Variants in FAT4 observed in about 807,000 individuals in gnomAD.
FAT4 encodes FAT atypical cadherin 4, also known as protocadherin Fat 4.
Under a neutral mutation model 303.9 loss-of-function variants are expected in FAT4, and 84 were observed. The ratio of observed to expected loss-of-function variants is 0.28; its 90% CI spans 0.23 to 0.33. The LOEUF (loss-of-function observed/expected upper bound fraction) is 0.33. Among genes scored for constraint, FAT4 ranks in the 10% least tolerant of loss-of-function variants. The pLI is 1.00. For synonymous variants in FAT4, 2,307 were observed against 2,298.8 expected (o/e 1.00, Z -0.10); for missense variants, 6,005 against 6,146.8 (o/e 0.98, Z 0.77).
Position 125,490,599 on chromosome 4 carries a change from T to C in FAT4, c.13783T>C (p.Tyr4595His). 6.2e-7 allele frequency: 1 copy of C among 1,614,130 alleles called. No individual in the cohort carries two copies. Among genetic ancestry groups the C allele is most frequent in the Middle Eastern group, 1.6e-4 (1 of 6,062 alleles). Reference sequence around the variant, plus strand: ...TGAAAGGGAAAACCCCTACCTTATCTATGATGAAACTGATATTCCTCACAA... The same window carrying C: ...TGAAAGGGAAAACCCCTACCTTATCCATGATGAAACTGATATTCCTCACAA... Reference protein sequence around the residue: ...IIERENPYLIYDETDIPHNSE... With the variant: ...IIERENPYLIHDETDIPHNSE... Residue 4595 changes from tyrosine (Y) to histidine (H), a missense_variant, in exon 18 of 18, where the codon TAT becomes CAT. Coordinates refer to ENST00000394329, the MANE Select transcript of FAT4 (RefSeq NM_001291303.3).
intron 2 of FAT4, among the ~76,000 whole-genome samples, chr4:125,373,230 T>G (rs780955623): frequency 6.6e-6 from 1 of 152,132 alleles, no homozygotes; most frequent in Non-Finnish European, 1.5e-5. Context: ...TTTAGTCAAG[T>G]AATAATAATT....
At chr4:125,395,419 C>T (rs1304889120) in intron 2 of FAT4, among the ~76,000 whole-genome samples, 1 of 152,152 alleles carries the variant, frequency 6.6e-6, no homozygotes, top group African/African-American at 2.4e-5. Flanking sequence ...AAGCGATTCT[C>T]CTGTCTCAGC....
chr4:125,319,192 G>A lies in FAT4; in HGVS notation c.2781G>A (p.Met927Ile). The change falls in exon 2 of 18, where the codon ATG (methionine) becomes ATA (isoleucine). Residue 927 changes from methionine (M) to isoleucine (I), a missense_variant. Physicochemically the swap from Met to Ile is conservative, Grantham distance 10. Coordinates refer to ENST00000394329, the MANE Select transcript of FAT4 (RefSeq NM_001291303.3). ...ACCCTGATGAAGGTGTCAATGGCAT[G>A]GTACTCTATAGTCTGAAGCAAAACC... is the stretch of plus-strand genomic sequence containing the variant. The part of the protein sequence containing the change: ...AVDPDEGVNG[M>I]VLYSLKQNPK... 1 of 1,614,110 alleles carries A rather than the reference G, an allele frequency of 6.2e-7. No homozygotes were observed. Among genetic ancestry groups the A allele is most frequent in the Non-Finnish European group, 8.5e-7 (1 of 1,180,022 alleles).
intron 7 of FAT4, among the ~76,000 whole-genome samples, chr4:125,425,458 T>G (rs563138310): frequency 6.6e-6 from 1 of 152,240 alleles, no homozygotes; most frequent in African/African-American, 2.4e-5. Context: ...TATTTTTATA[T>G]TAAAGAGAAC....
intron 2 of FAT4, among the ~76,000 whole-genome samples, chr4:125,368,964 AG>A (rs1281632170): frequency 5.3e-5 from 8 of 152,204 alleles, no homozygotes; most frequent in Non-Finnish European, 1.5e-5. Flanking sequence ...AACTGACAAA[AG>A]AAAAATATTG....
intron 2 of FAT4, among the ~76,000 whole-genome samples, chr4:125,340,821 T>TG (rs988373115): frequency 2.0e-5 from 3 of 152,256 alleles, no homozygotes; most frequent in African/African-American, 7.2e-5. Context: ...AATCAACACA[T>TG]GGAACACTAA....
intron 17 of FAT4, among the ~76,000 whole-genome samples, chr4:125,488,669 A>G: frequency 6.6e-6 from 1 of 152,210 alleles, no homozygotes; most frequent in East Asian, 1.9e-4. Context: ...ATGTCTGAGA[A>G]ATATTAGATT....
intron 7 of FAT4, among the ~76,000 whole-genome samples, chr4:125,423,573 T>C (rs1480323611): frequency 2.0e-5 from 3 of 152,308 alleles, no homozygotes; most frequent in Non-Finnish European, 4.4e-5. Flanking sequence ...TTAAATTTAA[T>C]TGTTAAATAA....
intron 5 of FAT4, among the ~76,000 whole-genome samples, chr4:125,410,809 T>C (rs1194559056): frequency 6.6e-6 from 1 of 152,144 alleles, no homozygotes; most frequent in Non-Finnish European, 1.5e-5. Context: ...TTGACCATTG[T>C]CTCTAAGTAA....
chr4:125,392,311 G>T (rs1339339165), intron 2 of FAT4, among the ~76,000 whole-genome samples: 1 of 151,916 alleles, frequency 6.6e-6, no homozygotes, highest in Non-Finnish European at 1.5e-5. Context: ...AATTAATTTT[G>T]GAGTGTCAGT....
At chr4:125,394,691 C>T (rs1256908899) in intron 2 of FAT4, among the ~76,000 whole-genome samples, 1 of 152,074 alleles carries the variant, frequency 6.6e-6, no homozygotes, top group Non-Finnish European at 1.5e-5. Flanking sequence ...TCACACCAAA[C>T]CTTAGTCTAA....
chr4:125,417,584 G>A (rs1735124978), intron 7 of FAT4, among the ~76,000 whole-genome samples: 1 of 152,118 alleles, frequency 6.6e-6, no homozygotes, highest in Admixed American at 6.6e-5. Flanking sequence ...AGTTATGGAG[G>A]ATTCTAAGTT....
intron 11 of FAT4, 146 bp downstream of exon 11, chr4:125,463,813 A>G (rs1044517176): frequency 2.0e-6 from 1 of 512,530 alleles, no homozygotes; most frequent in Non-Finnish European, 3.5e-6. Context: ...AATGTTTAAC[A>G]TTTGTAAAAG....
At chr4:125,356,491 A>T (rs1732428585) in intron 2 of FAT4, among the ~76,000 whole-genome samples, 2 of 150,926 alleles carry the variant, frequency 1.3e-5, no homozygotes, top group South Asian at 4.2e-4. Context: ...ACATATGCAG[A>T]TCATTATAGA....
rs139492947 is a variant in FAT4, at chr4:125,335,511, G to A, written c.5175+13925G>A. 2.5e-3 allele frequency among the ~76,000 whole-genome samples: 384 copies of A among 151,956 alleles called. 3 individuals are homozygous for A. Among genetic ancestry groups the A allele is most frequent in the African/African-American group, 8.7e-3 (361 of 41,464 alleles). On this transcript the variant is annotated intron_variant, in intron 2 of 17. Coordinates refer to ENST00000394329, the MANE Select transcript of FAT4 (RefSeq NM_001291303.3). ...TCCAATACTATTTGGGAAAAAAATG[G>A]CCTAAGTAAATGTATTCCATTAGTT...
Position 125,316,806 on chromosome 4 carries a change from C to A in FAT4, c.395C>A (p.Ala132Asp), listed in dbSNP as rs745914019. The A allele has an allele frequency of 1.2e-5, 19 of 1,613,866 alleles. No individual in the cohort carries two copies. In the African/African-American group the frequency reaches 2.3e-4, roughly 19 times the overall value. Residue 132 changes from alanine to aspartate, a missense_variant, in exon 2 of 18, where the codon GCC (alanine) becomes GAC (aspartate). Ala to Asp is a moderately radical substitution (Grantham distance 126, BLOSUM62 -2). Transcript: ENST00000394329. This position sits in a 1 kb window ranked among gnomAD's most constrained non-coding sequence, Gnocchi z 5.7. ...RVLVRDLNDN[A>D]PVFPDPSIVV... The stretch of plus-strand genomic sequence containing the variant: ...CTGGTGCGGGACCTCAATGACAACG[C>A]CCCCGTTTTCCCGGACCCCTCTATC...
chr4:125,471,693 A>G (rs1726859468), intron 12 of FAT4, among the ~76,000 whole-genome samples: 1 of 151,828 alleles, frequency 6.6e-6, no homozygotes. Flanking sequence ...AGGATTTTTA[A>G]TAAGAAAATG....
At chr4:125,325,673 A>T (rs1042534766) in intron 2 of FAT4, among the ~76,000 whole-genome samples, 2 of 152,248 alleles carry the variant, frequency 1.3e-5, no homozygotes, top group African/African-American at 4.8e-5. Flanking sequence ...TATTGAAAAG[A>T]CATCAAAGTT....
chr4:125,481,807 C>T, intron 16 of FAT4, 69 bp downstream of exon 16: 2 of 1,347,010 alleles, frequency 1.5e-6, no homozygotes, highest in Admixed American at 1.8e-5. Context: ...AAATCACTTC[C>T]CCCATAATTT....
Sources: gnomAD v4.1 joint callset for allele counts (sites outside exome capture counted in the v4.1 genomes callset) on GRCh38, gnomAD v4.1.1 for gene constraint, Gnocchi (gnomAD v3.1) non-coding constraint, MANE v1.5 for transcripts, NCBI Gene and HGNC (gene_info 2026-07-23, HGNC 2026-07-21) for gene names.